Variants in CTNNA2 observed in about 807,000 individuals in gnomAD.
CTNNA2 encodes the protein catenin alpha 2.
Under a neutral mutation model 101.0 loss-of-function variants are expected in CTNNA2, and 42 were observed. The observed-to-expected ratio is 0.42, with a 90% CI of 0.32 to 0.54. The LOEUF is 0.54. Among genes scored for constraint, CTNNA2 ranks in the 20% least tolerant of loss-of-function variants. The probability of loss-of-function intolerance (pLI) is 0.14; values close to 1 mark genes in which losing one functional copy is unlikely to be tolerated. For missense variants in CTNNA2, 871 were observed against 1,223.1 expected (o/e 0.71, Z 4.29); for synonymous variants, 450 against 456.4 (o/e 0.99, Z 0.18).
chr2:80,468,612 T>G (rs896469947), intron 9 of CTNNA2, among the ~76,000 whole-genome samples: 2 of 152,142 alleles, frequency 1.3e-5, no homozygotes, highest in African/African-American at 4.8e-5. Context: ...GAGACGGGGT[T>G]TCGCCATATT....
intron 2 of CTNNA2, among the ~76,000 whole-genome samples, chr2:79,226,407 G>A (rs1674409519): frequency 6.6e-6 from 1 of 152,032 alleles, no homozygotes; most frequent in African/African-American, 2.4e-5. Flanking sequence ...AAAGTGCTTA[G>A]CACAGTCCCT....
At position 80,186,664 on chromosome 2, in the gene CTNNA2, CT is replaced by C. The variant is rs555422160; in HGVS notation, c.1057-206546del. On this transcript the variant is annotated intron_variant, in intron 7 of 18. Transcript: ENST00000402739. ...TTTTGCACATTTCCAGTGGGGAGGCCTGGAGAGAAGATTTTGATCGTTCATA... is the reference window on the plus strand; with the variant it reads ...TTTTGCACATTTCCAGTGGGGAGGCCGGAGAGAAGATTTTGATCGTTCATA... 1.1e-4 allele frequency among the ~76,000 whole-genome samples: 16 copies of C among 152,274 alleles called. 1 individual carries two copies. In the South Asian group the frequency reaches 3.1e-3, roughly 30 times the overall value.
At chr2:79,294,979 A>G (rs751687364) in intron 2 of CTNNA2, among the ~76,000 whole-genome samples, 35 of 145,400 alleles carry the variant, frequency 2.4e-4, no homozygotes, top group Non-Finnish European at 3.2e-4. Context: ...ACACAATTGC[A>G]CTTGTGTGTG....
intron 7 of CTNNA2, among the ~76,000 whole-genome samples, chr2:80,062,872 A>T (rs912774757): frequency 6.6e-6 from 1 of 151,792 alleles, no homozygotes; most frequent in South Asian, 2.1e-4. Context: ...CACCTGGCTA[A>T]TTTTTTGTAT....
intron 2 of CTNNA2, among the ~76,000 whole-genome samples, chr2:79,659,503 G>A (rs182958243): frequency 1.6e-4 from 24 of 152,250 alleles, no homozygotes; most frequent in Admixed American, 1.3e-3. Flanking sequence ...AAAGGTAAAG[G>A]ATGTGCTAAA....
At chr2:80,279,049 CGTGTGTGTGT>C (rs3219982) in intron 7 of CTNNA2, among the ~76,000 whole-genome samples, 19 of 135,734 alleles carry the variant, frequency 1.4e-4, no homozygotes, top group South Asian at 2.6e-4. Flanking sequence ...ATGACTTTTA[CGTGTGTGTGT>C]GTGTGTGTGT....
At chr2:80,470,697 G>A (rs1221173288) in intron 9 of CTNNA2, among the ~76,000 whole-genome samples, 2 of 152,132 alleles carry the variant, frequency 1.3e-5, no homozygotes, top group Non-Finnish European at 2.9e-5. Context: ...TGTCCAAGAC[G>A]GATGTGCTTC....
At chr2:80,440,156 G>C (rs756539119) in intron 9 of CTNNA2, among the ~76,000 whole-genome samples, 1 of 152,136 alleles carries the variant, frequency 6.6e-6, no homozygotes, top group East Asian at 1.9e-4. Context: ...GCAAAGTCTG[G>C]AAAGGATTGA....
At chr2:80,130,251 T>C (rs1343733883) in intron 7 of CTNNA2, among the ~76,000 whole-genome samples, 4 of 152,178 alleles carry the variant, frequency 2.6e-5, no homozygotes, top group Non-Finnish European at 5.9e-5. Flanking sequence ...TTATGTTACA[T>C]AGAGATCAGT....
intron 7 of CTNNA2, among the ~76,000 whole-genome samples, chr2:80,205,371 A>G (rs931546361): frequency 2.0e-4 from 31 of 152,220 alleles, no homozygotes; most frequent in African/African-American, 6.3e-4. Context: ...AACAGCAGAT[A>G]TTTAGCTTTC....
At chr2:79,991,993 A>C (rs908400844) in intron 7 of CTNNA2, among the ~76,000 whole-genome samples, 3 of 150,598 alleles carry the variant, frequency 2.0e-5, no homozygotes, top group African/African-American at 7.2e-5. Context: ...TTTCTTTTGC[A>C]CCACAAATGC....
intron 3 of CTNNA2, among the ~76,000 whole-genome samples, chr2:79,836,760 T>C (rs547249578): frequency 3.3e-5 from 5 of 152,272 alleles, no homozygotes; most frequent in African/African-American, 1.2e-4. Context: ...TCTGGTCTCT[T>C]CTTTTTTTCT....
chr2:79,309,161 T>C (rs1245481519), intron 2 of CTNNA2, among the ~76,000 whole-genome samples: 3 of 152,160 alleles, frequency 2.0e-5, no homozygotes, highest in African/African-American at 7.2e-5. Context: ...TCACAACTTT[T>C]TTTGAGAATT....
At chr2:79,609,184 A>G (rs1406851240) in intron 1 of CTNNA2, among the ~76,000 whole-genome samples, 1 of 152,058 alleles carries the variant, frequency 6.6e-6, no homozygotes, top group African/African-American at 2.4e-5. Flanking sequence ...GAACAAAAGC[A>G]AAGATCTAAG....
chr2:80,365,471 G>T (rs75716040), intron 7 of CTNNA2, among the ~76,000 whole-genome samples: 437 of 151,182 alleles, frequency 2.9e-3, no homozygotes, highest in Non-Finnish European at 5.4e-3. Context: ...TTTTAAAAAT[G>T]TACTCATCAA....
chr2:79,596,438 A>G (rs1677194404), intron 1 of CTNNA2, among the ~76,000 whole-genome samples: 1 of 152,124 alleles, frequency 6.6e-6, no homozygotes, highest in Non-Finnish European at 1.5e-5. Context: ...GAAGAAATAT[A>G]CCTTGTGTAT....
intron 7 of CTNNA2, among the ~76,000 whole-genome samples, chr2:79,933,423 A>G (rs1687579853): frequency 6.6e-6 from 1 of 151,950 alleles, no homozygotes; most frequent in South Asian, 2.1e-4. Flanking sequence ...AAGAGGCTGA[A>G]ATTCAAATCT....
At chr2:80,446,531 A>G (rs544651730) in intron 9 of CTNNA2, among the ~76,000 whole-genome samples, 1 of 152,318 alleles carries the variant, frequency 6.6e-6, no homozygotes, top group South Asian at 2.1e-4. Context: ...CCTTGTTTTC[A>G]TATTTGATAC....
chr2:79,627,096 A>C (rs1679360332), intron 1 of CTNNA2, among the ~76,000 whole-genome samples: 1 of 152,180 alleles, frequency 6.6e-6, no homozygotes, highest in Admixed American at 6.5e-5. Flanking sequence ...TATGGGCGAC[A>C]GCTCTGGGAA....
Sources: gnomAD v4.1 joint callset for allele counts (sites outside exome capture counted in the v4.1 genomes callset) on GRCh38, gnomAD v4.1.1 for gene constraint, MANE v1.5 for transcripts, NCBI Gene and HGNC (gene_info 2026-07-23, HGNC 2026-07-21) for gene names.